The following MYT1L variants were observed in gnomAD, a reference collection of about 807,000 sequenced individuals.
MYT1L encodes the protein myelin transcription factor 1-like protein.
In MYT1L, 12 loss-of-function variants were observed where a neutral mutation model predicts 126.7. The ratio of observed to expected loss-of-function variants is 0.09; its 90% CI spans 0.06 to 0.15. The LOEUF (loss-of-function observed/expected upper bound fraction) is 0.15. MYT1L is among the 10% of genes least tolerant of loss of function. The pLI is 1.00. For missense variants in MYT1L, 979 were observed against 1,585.2 expected (o/e 0.62, Z 6.49); for synonymous variants, 541 against 604.2 (o/e 0.90, Z 1.53).
At chr2:2,030,250 A>T (rs1297308342) in intron 4 of MYT1L, among the ~76,000 whole-genome samples, 1 of 152,056 alleles carries the variant, frequency 6.6e-6, no homozygotes, top group African/African-American at 2.4e-5. Flanking sequence ...GGCGTATGCT[A>T]CCACGCCTGG....
At chr2:1,871,962 C>T (rs2046333331) in intron 18 of MYT1L, among the ~76,000 whole-genome samples, 3 of 152,052 alleles carry the variant, frequency 2.0e-5, no homozygotes, top group Non-Finnish European at 2.9e-5. Context: ...CTGGAGGAGG[C>T]GCATTGTATG....
At chr2:2,140,411 T>G (rs1488691566) in intron 3 of MYT1L, among the ~76,000 whole-genome samples, 2 of 151,442 alleles carry the variant, frequency 1.3e-5, no homozygotes, top group Non-Finnish European at 2.9e-5. Context: ...ATCAATGTCT[T>G]TATTTTTTTT....
chr2:1,826,800 G>A (rs2148216228), intron 21 of MYT1L, among the ~76,000 whole-genome samples: 1 of 138,146 alleles, frequency 7.2e-6, no homozygotes, highest in East Asian at 2.4e-4. Context: ...TTGTAAAGTG[G>A]TTCAGTAAGG....
intron 8 of MYT1L, among the ~76,000 whole-genome samples, chr2:1,955,297 A>G (rs979957400): frequency 7.9e-5 from 12 of 152,154 alleles, no homozygotes; most frequent in African/African-American, 2.4e-4. Flanking sequence ...AAATTATTCA[A>G]TTGTGAAATA....
rs1445522917 is a variant in MYT1L at position 1,887,230 on chromosome 2, G to A, written c.2642+258C>T. 1 of 456,012 alleles carries A rather than the reference G, an allele frequency of 2.2e-6. No homozygotes were observed. The highest frequency in any genetic ancestry group is 2.0e-5 in the African/African-American group (1 of 50,050). 28.2% of individuals were successfully genotyped at this position (456,012 alleles called of 1,614,324 possible). On this transcript the variant is annotated intron_variant, in intron 17 of 24. Transcript: ENST00000647738. This position sits in a 1 kb window ranked among gnomAD's most constrained non-coding sequence, Gnocchi z 4.8. ...CCAGTTTAGCTGCAATGTCTGCAAG[G>A]GGATTTAAGCACCCTGAAGAAAAGC... is the stretch of plus-strand genomic sequence containing the variant.
chr2:2,174,117 C>T (rs2090433315), intron 2 of MYT1L, among the ~76,000 whole-genome samples: 1 of 152,136 alleles, frequency 6.6e-6, no homozygotes. Flanking sequence ...TAAAATTACC[C>T]TGAAAAATCA....
chr2:2,286,327 C>T (rs542292975), intron 1 of MYT1L, among the ~76,000 whole-genome samples: 1 of 152,158 alleles, frequency 6.6e-6, no homozygotes, highest in Admixed American at 6.5e-5. Flanking sequence ...TTGTGACATG[C>T]TTTGGCTCAC....
intron 3 of MYT1L, among the ~76,000 whole-genome samples, chr2:2,078,809 T>C (rs934966960): frequency 2.6e-5 from 4 of 152,192 alleles, no homozygotes; most frequent in African/African-American, 9.7e-5. Context: ...ATTTGCAGGG[T>C]AGAATATCAG....
At chr2:2,056,026 T>C (rs989806899) in intron 3 of MYT1L, among the ~76,000 whole-genome samples, 2 of 152,234 alleles carry the variant, frequency 1.3e-5, no homozygotes. Flanking sequence ...GACTGATCAT[T>C]GTCAGGAGAG....
At chr2:1,952,786 C>T (rs2057936353) in intron 8 of MYT1L, among the ~76,000 whole-genome samples, 1 of 55,524 alleles carries the variant, frequency 1.8e-5, no homozygotes, top group Admixed American at 1.6e-4. Flanking sequence ...CTCCTTTCCT[C>T]CCTTCCCTCC....
intron 2 of MYT1L, among the ~76,000 whole-genome samples, chr2:2,261,757 C>G (rs2149282943): frequency 6.6e-6 from 1 of 152,268 alleles, no homozygotes; most frequent in Admixed American, 6.5e-5. Flanking sequence ...TGATGTGCTT[C>G]TCGTAAATGG....
chr2:2,024,437 C>T (rs977738845), intron 4 of MYT1L, among the ~76,000 whole-genome samples: 1 of 152,206 alleles, frequency 6.6e-6, no homozygotes, highest in African/African-American at 2.4e-5. Context: ...AAATTCCCTC[C>T]CCTTGTGGCT....
Position 2,187,438 on chromosome 2 carries a change from G to C in MYT1L, c.-420-14450C>G, listed in dbSNP as rs186244739. ...CACAACCATCAGGCCTTAATTACAC[G>C]GCGCGTGCGGGGCTGGCTGCTGAAA... is the stretch of plus-strand genomic sequence containing the variant. On this transcript the variant is annotated intron_variant, in intron 2 of 24. Transcript: ENST00000647738. 5.9e-5 allele frequency among the ~76,000 whole-genome samples: 9 copies of C among 151,952 alleles called. No individual in the cohort carries two copies. In the East Asian group the frequency reaches 1.8e-3, roughly 30 times the overall value.
At chr2:2,322,071 A>G (rs941791359) in intron 1 of MYT1L, among the ~76,000 whole-genome samples, 3 of 152,354 alleles carry the variant, frequency 2.0e-5, no homozygotes, top group African/African-American at 7.2e-5. Context: ...GGGGAATTAT[A>G]GTACTCCTAA....
chr2:2,203,486 A>G (rs1010806338), intron 2 of MYT1L, among the ~76,000 whole-genome samples: 4 of 151,756 alleles, frequency 2.6e-5, no homozygotes, highest in African/African-American at 9.7e-5. Context: ...ACAGAGCCAA[A>G]TCATGAGTGA....
intron 5 of MYT1L, among the ~76,000 whole-genome samples, chr2:1,985,831 G>A (rs2060971248): frequency 1.3e-5 from 2 of 152,182 alleles, no homozygotes; most frequent in South Asian, 2.1e-4. Context: ...GTGAGAGTGC[G>A]ACCACCCAGG....
At chr2:2,174,166 G>T (rs2090439824) in intron 2 of MYT1L, among the ~76,000 whole-genome samples, 1 of 152,142 alleles carries the variant, frequency 6.6e-6, no homozygotes, top group Non-Finnish European at 1.5e-5. Flanking sequence ...TATTCGTTTT[G>T]TTGCAAAGTC....
chr2:1,866,973 G>GAGA (rs1553276597), intron 18 of MYT1L, among the ~76,000 whole-genome samples: 25 of 95,586 alleles, frequency 2.6e-4, no homozygotes, highest in Non-Finnish European at 5.1e-4. Flanking sequence ...GAGAGAGGGA[G>GAGA]GAGAGAGAGA....
At chr2:2,175,612 C>G (rs138105338) in intron 2 of MYT1L, among the ~76,000 whole-genome samples, 301 of 150,822 alleles carry the variant, frequency 2.0e-3, no homozygotes, top group Non-Finnish European at 3.5e-3. Flanking sequence ...CGAAACCATC[C>G]TCTGTGAACT....
Sources: gnomAD v4.1 joint callset for allele counts (sites outside exome capture counted in the v4.1 genomes callset) on GRCh38, gnomAD v4.1.1 for gene constraint, Gnocchi (gnomAD v3.1) non-coding constraint, MANE v1.5 for transcripts, NCBI Gene and HGNC (gene_info 2026-07-23, HGNC 2026-07-21) for gene names.